XPOT: variants seen among roughly 807,000 people sequenced by gnomAD.
XPOT encodes exportin for tRNA.
A neutral mutation model predicts 128.2 loss-of-function variants in XPOT; 34 were observed. That is an observed-to-expected ratio of 0.27 (90% confidence interval 0.20 to 0.35). The LOEUF is 0.35. Ranked by LOEUF, XPOT falls within the 10% of genes least tolerant of loss-of-function variation. The pLI, the probability that XPOT is intolerant of heterozygous loss-of-function variation, is 1.00. For missense variants in XPOT, 838 were observed against 1,125.3 expected, an observed-to-expected ratio of 0.74 and a Z score of 3.65; for synonymous variants, 348 against 394.3, an observed-to-expected ratio of 0.88 and a Z score of 1.39.
In XPOT at chr12:64,443,923, GTAAA is replaced by G. The variant is rs768170973; in HGVS notation, c.2806-1147_2806-1144del. On this transcript the variant is annotated intron_variant, in intron 23 of 24. Coordinates refer to ENST00000332707, the MANE Select transcript of XPOT (RefSeq NM_007235.6). ...GACTTTCTTGGTTATCATTTGATAT[GTAAA>G]TAAACTCATATTTTAATGAAAATAA... 5.3e-5 allele frequency among the ~76,000 whole-genome samples: 8 copies of G among 152,200 alleles called. No homozygotes were observed. The East Asian group carries it at 1.2e-3, about 22-fold the overall frequency.
chr12:64,423,614 C>A (rs913688719), intron 11 of XPOT, among the ~76,000 whole-genome samples: 1 of 152,130 alleles, frequency 6.6e-6, no homozygotes, highest in East Asian at 1.9e-4. Flanking sequence ...CCACCATGCC[C>A]GGCTAATTCT....
chr12:64,424,942 T>G, intron 12 of XPOT, 96 bp from the exon 13 acceptor site: 1 of 1,477,210 alleles, frequency 6.8e-7, no homozygotes, highest in Non-Finnish European at 9.2e-7. Flanking sequence ...GACTTTTTAA[T>G]AATTAAAAAG....
chr12:64,435,951 T>C (rs899442848), intron 22 of XPOT, among the ~76,000 whole-genome samples: 2 of 152,048 alleles, frequency 1.3e-5, no homozygotes, highest in Non-Finnish European at 2.9e-5. Context: ...TTTTATTTTA[T>C]TTTTATTTTT....
In XPOT at chr12:64,449,462, A is replaced by G. The variant is rs2040393048; in HGVS notation, c.*1331A>G. On this transcript the variant is annotated 3_prime_UTR_variant, in exon 25 of 25. Transcript: ENST00000332707. ...CAAAACTGAGCAGCAGAATTCGTAT[A>G]GACATTTACGTTTAAATTCTAAAAG... The G allele has an allele frequency of 6.6e-6, 1 of 152,226 alleles. No individual in the cohort carries two copies. The highest frequency in any genetic ancestry group is 2.1e-4 in the South Asian group (1 of 4,828). The allele number at this position is 152,226 out of a possible 1,614,324, so 9.4% of individuals were successfully genotyped here. A position where few individuals can be genotyped will look rare whatever the true frequency, so the allele number is the denominator to read the frequency against.
intron 22 of XPOT, among the ~76,000 whole-genome samples, chr12:64,438,632 T>G (rs2040301401): frequency 6.6e-6 from 1 of 151,660 alleles, no homozygotes; most frequent in Admixed American, 6.6e-5. Flanking sequence ...ACATTGATTT[T>G]TTTTTTTTTT....
At chr12:64,431,506 T>C (rs1327075256) in intron 17 of XPOT, 32 bp from the exon 18 acceptor site, 1 of 1,602,788 alleles carries the variant, frequency 6.2e-7, no homozygotes, top group African/African-American at 1.3e-5. Context: ...AGAATAAAGT[T>C]GCATCTGATT....
rs1240622933 is a variant in XPOT at position 64,435,683 on chromosome 12, T to C, written c.2733+9T>C. On this transcript the variant is annotated intron_variant, in intron 22 of 24. Coordinates refer to ENST00000332707, the MANE Select transcript of XPOT (RefSeq NM_007235.6). ...CAATTCATCTCAAACGGGTAAGCCT[T>C]TTAGTCCATGCCCCTTCATTTTCAT... The C allele has an allele frequency of 1.2e-6, 2 of 1,601,968 alleles. No individual in the cohort carries two copies. Among genetic ancestry groups the C allele is most frequent in the African/African-American group, 2.7e-5 (2 of 74,518 alleles).
At chr12:64,423,106 A>G (rs2040155686) in intron 10 of XPOT, 63 bp downstream of exon 10, 22 of 1,597,888 alleles carry the variant, frequency 1.4e-5, no homozygotes, top group Non-Finnish European at 1.8e-5. Flanking sequence ...TTGCCTTGAA[A>G]TGTAGCTTAA....
chr12:64,424,017 G>T (rs1198784180), intron 11 of XPOT, among the ~76,000 whole-genome samples: 1 of 152,078 alleles, frequency 6.6e-6, no homozygotes, highest in East Asian at 1.9e-4. Context: ...GCTAAGCTTT[G>T]TTCTAAAGTG....
intron 1 of XPOT, among the ~76,000 whole-genome samples, chr12:64,408,111 C>CT (rs1209867366): frequency 1.3e-5 from 2 of 151,994 alleles, no homozygotes; most frequent in South Asian, 2.1e-4. Flanking sequence ...GCCCCACAGC[C>CT]TTTTTTTGTT....
intron 1 of XPOT, among the ~76,000 whole-genome samples, chr12:64,406,408 G>C (rs1208051021): frequency 6.7e-6 from 1 of 149,012 alleles, no homozygotes; most frequent in Non-Finnish European, 1.5e-5. Context: ...CGCTCTCGTT[G>C]ACCAGGCTGG....
intron 16 of XPOT, among the ~76,000 whole-genome samples, chr12:64,428,473 A>G (rs972196014): frequency 1.1e-4 from 16 of 152,326 alleles, no homozygotes; most frequent in African/African-American, 2.6e-4. Context: ...CTTCTAAATT[A>G]TTCTGTTTAA....
At chr12:64,447,130 C>T (rs2040372495) in intron 24 of XPOT, among the ~76,000 whole-genome samples, 1 of 152,146 alleles carries the variant, frequency 6.6e-6, no homozygotes, top group African/African-American at 2.4e-5. Context: ...CATTTACTAT[C>T]AGGAAAACAA....
rs773700775 is a variant in XPOT, at chr12:64,434,592, T to C, written c.2538T>C (p.Phe846=). 8.7e-6 allele frequency: 14 copies of C among 1,613,900 alleles called. No homozygotes were observed. The highest frequency in any genetic ancestry group is 1.3e-5 in the African/African-American group (1 of 74,942). Residue 846 remains phenylalanine (F), a synonymous_variant, in exon 20 of 25, where the codon TTT becomes TTC. Coordinates refer to ENST00000332707, the MANE Select transcript of XPOT (RefSeq NM_007235.6). ...ATCCAATTGCACAGAAAACATGTTTTATCATCCTCTCAAAGTTGGTAGAAC... is the reference window on the plus strand; with the variant it reads ...ATCCAATTGCACAGAAAACATGTTTCATCATCCTCTCAAAGTTGGTAGAAC... ...YPDPIAQKTC[F]IILSKLVELW...
chr12:64,432,926 A>G (rs576842340), intron 18 of XPOT, among the ~76,000 whole-genome samples: 2 of 152,212 alleles, frequency 1.3e-5, no homozygotes, highest in African/African-American at 4.8e-5. Context: ...TGAGTCTTTT[A>G]GTAATATTTT....
rs1025309171 is a variant in XPOT, at chr12:64,422,102, G to A, written c.1080+631G>A. ...TGGGATTACAGGTGTGAGCCACCAC[G>A]CCCGGCAACAATTTTTTACAATTAA... On this transcript the variant is annotated intron_variant, in intron 9 of 24. Coordinates refer to ENST00000332707, the MANE Select transcript of XPOT (RefSeq NM_007235.6). Among the ~76,000 whole-genome samples, 4 of 152,134 alleles carry A rather than the reference G, an allele frequency of 2.6e-5. No homozygotes were observed. The East Asian group carries it at 5.8e-4, about 22-fold the overall frequency.
intron 3 of XPOT, among the ~76,000 whole-genome samples, chr12:64,416,472 C>T (rs933388156): frequency 6.6e-6 from 1 of 152,120 alleles, no homozygotes; most frequent in African/African-American, 2.4e-5. Flanking sequence ...GGTTAGTTTG[C>T]TTGTCAGATT....
At chr12:64,440,212 G>A (rs2040313874) in intron 23 of XPOT, among the ~76,000 whole-genome samples, 1 of 152,130 alleles carries the variant, frequency 6.6e-6, no homozygotes, top group Non-Finnish European at 1.5e-5. Context: ...TAATATAAGT[G>A]GAATCATGCA....
intron 22 of XPOT, among the ~76,000 whole-genome samples, chr12:64,436,786 C>A (rs6581563): frequency 1.3e-5 from 2 of 152,118 alleles, no homozygotes; most frequent in Non-Finnish European, 2.9e-5. Context: ...TCACCATTGT[C>A]CCTACACTGG....
Sources: allele counts gnomAD v4.1 joint callset (sites outside exome capture counted in the v4.1 genomes callset), GRCh38; gene constraint gnomAD v4.1.1; transcripts MANE v1.5; gene names NCBI Gene and HGNC (gene_info 2026-07-23, HGNC 2026-07-21).